LNX2: variants seen among roughly 807,000 people sequenced by gnomAD.
The protein encoded by LNX2 is ligand of Numb protein X 2.
LNX2 carries 35 observed loss-of-function variants against 66.2 expected under a neutral mutation model. That is an observed-to-expected ratio of 0.53 (90% CI 0.40 to 0.70). The LOEUF (loss-of-function observed/expected upper bound fraction) is 0.70, where lower values mean the gene tolerates loss of function less well. Among genes scored for constraint, LNX2 ranks in the 30% least tolerant of loss-of-function variants. LNX2 has a pLI of 0.00. For missense variants in LNX2, 791 were observed against 850.8 expected, an observed-to-expected ratio of 0.93 and a Z score of 0.87; for synonymous variants, 337 against 315.6, an observed-to-expected ratio of 1.07 and a Z score of -0.72.
At chr13:27,578,921 C>T (rs887546478) in intron 2 of LNX2, among the ~76,000 whole-genome samples, 4 of 152,178 alleles carry the variant, frequency 2.6e-5, no homozygotes, top group Non-Finnish European at 5.9e-5. Flanking sequence ...TGTTTTATGT[C>T]AGTGTGTCTG....
intron 1 of LNX2, among the ~76,000 whole-genome samples, chr13:27,619,363 A>G (rs1439582232): frequency 6.6e-6 from 1 of 152,230 alleles, no homozygotes; most frequent in African/African-American, 2.4e-5. Flanking sequence ...TAGCAAAGTA[A>G]ATAAAATTGA....
Position 27,553,199 on chromosome 13 carries a change from G to T in LNX2, c.1778+9C>A, listed in dbSNP as rs892159014. ...GATTTCCATAAAGCAACAAGAAAGC[G>T]CTCAGTACCTGGGAAGCCCAAGCCA... On this transcript the variant is annotated intron_variant, in intron 8 of 9. Coordinates refer to ENST00000316334, the MANE Select transcript of LNX2 (RefSeq NM_153371.4). The T allele has an allele frequency of 1.9e-6, 3 of 1,609,662 alleles. No homozygotes were observed. The highest frequency in any genetic ancestry group is 2.6e-6 in the Non-Finnish European group (3 of 1,176,116).
At chr13:27,608,820 G>C (rs116897627) in intron 1 of LNX2, among the ~76,000 whole-genome samples, 14 of 51,672 alleles carry the variant, frequency 2.7e-4, no homozygotes, top group African/African-American at 7.8e-4. Context: ...TTGTTTTGGT[G>C]GGGGGCCAAA....
intron 2 of LNX2, among the ~76,000 whole-genome samples, chr13:27,574,540 AAAAG>A (rs1411341383): frequency 1.3e-5 from 2 of 152,206 alleles, no homozygotes; most frequent in African/African-American, 4.8e-5. Context: ...GAAAAAAAAA[AAAAG>A]AACACAGCCT....
rs1954996467 is a variant in LNX2 at position 27,550,605 on chromosome 13, G to A, written c.1779-114C>T. ...TTACCACTCTTGGAAAAAAGAAAAA[G>A]GGCTATTAATAAATAGATTATTTTG... On this transcript the variant is annotated intron_variant, in intron 8 of 9. Coordinates refer to ENST00000316334, the MANE Select transcript of LNX2 (RefSeq NM_153371.4). 4.3e-6 allele frequency: 3 copies of A among 698,410 alleles called. No homozygotes were observed. The South Asian group carries it at 6.4e-5, about 15-fold the overall frequency. 43.3% of individuals were successfully genotyped at this position (698,410 alleles called of 1,614,324 possible).
intron 1 of LNX2, among the ~76,000 whole-genome samples, chr13:27,608,667 C>G (rs898671749): frequency 6.6e-6 from 1 of 152,050 alleles, no homozygotes; most frequent in Non-Finnish European, 1.5e-5. Flanking sequence ...GAAAAACATT[C>G]TTTAAAATTG....
Position 27,581,727 on chromosome 13 carries a change from T to G in LNX2, c.-24A>C. On this transcript the variant is annotated 5_prime_UTR_variant, in exon 2 of 10. The change abolishes an upstream ATG in the 5' untranslated region. Coordinates refer to ENST00000316334, the MANE Select transcript of LNX2 (RefSeq NM_153371.4). ...ATTTTGAATCAATTCTGTATCCTCA[T>G]GTGTTAGACTTCCACTTCACGCTTG... The G allele has an allele frequency of 6.4e-7, 1 of 1,552,884 alleles. No homozygotes were observed. Among genetic ancestry groups the G allele is most frequent in the Non-Finnish European group, 8.7e-7 (1 of 1,149,012 alleles).
chr13:27,550,271 T>C (rs908138953), intron 9 of LNX2, 62 bp downstream of exon 9: 31 of 1,470,460 alleles, frequency 2.1e-5, no homozygotes, highest in Non-Finnish European at 2.9e-5. Context: ...CCCTGACCCC[T>C]GGTCTAGATC....
chr13:27,572,632 C>A (rs1955295862), intron 2 of LNX2, among the ~76,000 whole-genome samples: 2 of 152,178 alleles, frequency 1.3e-5, no homozygotes, highest in Non-Finnish European at 2.9e-5. Context: ...TTCTGGCTCT[C>A]CTCCTAAGGG....
intron 1 of LNX2, among the ~76,000 whole-genome samples, chr13:27,601,962 C>T (rs1371239803): frequency 6.6e-6 from 1 of 152,114 alleles, no homozygotes; most frequent in Non-Finnish European, 1.5e-5. Flanking sequence ...ACTATATGTG[C>T]TTTGTCACAT....
At chr13:27,579,378 T>C (rs1005286973) in intron 2 of LNX2, among the ~76,000 whole-genome samples, 1 of 152,226 alleles carries the variant, frequency 6.6e-6, no homozygotes, top group Non-Finnish European at 1.5e-5. Context: ...CCTTTTCCAA[T>C]CATCCATCTT....
At chr13:27,614,807 C>T (rs188879063) in intron 1 of LNX2, among the ~76,000 whole-genome samples, 121 of 152,182 alleles carry the variant, frequency 8.0e-4, no homozygotes, top group Admixed American at 5.8e-3. Context: ...GATTAGTAGC[C>T]GAAATCCCAA....
chr13:27,585,155 G>A (rs1955469716), intron 1 of LNX2, among the ~76,000 whole-genome samples: 1 of 151,730 alleles, frequency 6.6e-6, no homozygotes, highest in African/African-American at 2.4e-5. Context: ...GCGAGGCACG[G>A]TGGCTCACAC....
chr13:27,604,372 A>G (rs1026452886), intron 1 of LNX2, among the ~76,000 whole-genome samples: 2 of 152,240 alleles, frequency 1.3e-5, no homozygotes, highest in Admixed American at 6.5e-5. Flanking sequence ...CTCCATGCAA[A>G]TGGCTCCTCA....
chr13:27,571,981 A>G (rs927090827), intron 2 of LNX2, among the ~76,000 whole-genome samples: 26 of 152,218 alleles, frequency 1.7e-4, no homozygotes, highest in African/African-American at 6.0e-4. Context: ...CTAAGCCAAC[A>G]TCACACAGAT....
chr13:27,568,934 A>C, intron 3 of LNX2, 95 bp downstream of exon 3: 1 of 1,322,546 alleles, frequency 7.6e-7, no homozygotes, highest in Middle Eastern at 2.2e-4. Context: ...TTATTTTTTA[A>C]ATTTTTCTTT....
At chr13:27,613,162 G>C (rs9512764) in intron 1 of LNX2, among the ~76,000 whole-genome samples, 35,338 of 152,054 alleles carry the variant, frequency 0.23, 4,464 homozygotes, top group African/African-American at 0.32. Flanking sequence ...CAACACAAAA[G>C]ACAAGTCCAA....
chr13:27,574,037 G>T (rs1955316413), intron 2 of LNX2, among the ~76,000 whole-genome samples: 1 of 151,750 alleles, frequency 6.6e-6, no homozygotes, highest in Admixed American at 6.6e-5. Context: ...AGAAGTAAAG[G>T]AAACCTATCT....
At chr13:27,550,612 TAATA>T (rs1399485492) in intron 8 of LNX2, 121 bp from the exon 9 acceptor site, 8 of 668,634 alleles carry the variant, frequency 1.2e-5, no homozygotes, top group African/African-American at 9.1e-5. Context: ...AAAGGGCTAT[TAATA>T]AATAGATTAT....
Sources: gnomAD v4.1 joint callset for allele counts (sites outside exome capture counted in the v4.1 genomes callset) on GRCh38, gnomAD v4.1.1 for gene constraint, MANE v1.5 for transcripts, NCBI Gene and HGNC (gene_info 2026-07-23, HGNC 2026-07-21) for gene names.